DRC11: variants seen among roughly 807,000 people sequenced by gnomAD.
DRC11 encodes the protein dynein regulatory complex subunit 11.
At chr2:236,353,183 T>G in the DRC11 span, among the ~76,000 whole-genome samples, 1 of 152,370 alleles carries the variant, frequency 6.6e-6, no homozygotes, top group South Asian at 2.1e-4. This position sits in a 1 kb window ranked among gnomAD's most constrained non-coding sequence, Gnocchi z 5.0. Context: ...TTACATTAAT[T>G]AATTCGTAAT....
chr2:236,364,048 C>G, the DRC11 span: 1 of 1,387,610 alleles, frequency 7.2e-7, no homozygotes, highest in Non-Finnish European at 1.0e-6. Flanking sequence ...ACTAGGATAA[C>G]TCAAGGTCAA....
chr2:236,457,641 A>C, the DRC11 span, among the ~76,000 whole-genome samples: 4 of 152,350 alleles, frequency 2.6e-5, no homozygotes, highest in African/African-American at 9.6e-5. The surrounding 1 kb of genome is among the most constrained non-coding windows in gnomAD (Gnocchi z 4.7). Flanking sequence ...GGATTAGCCA[A>C]GTATGTCCTA....
At chr2:236,370,161 C>T in the DRC11 span, among the ~76,000 whole-genome samples, 4 of 152,148 alleles carry the variant, frequency 2.6e-5, no homozygotes, top group Non-Finnish European at 1.5e-5. This position sits in a 1 kb window ranked among gnomAD's most constrained non-coding sequence, Gnocchi z 5.5. Flanking sequence ...TGCACAGAGG[C>T]AGAACACCAC....
the DRC11 span, among the ~76,000 whole-genome samples, chr2:236,326,196 A>G: frequency 6.6e-6 from 1 of 152,192 alleles, no homozygotes; most frequent in African/African-American, 2.4e-5. Context: ...TTAATAAATT[A>G]TTTTACTTGG....
chr2:236,365,839 C>T, the DRC11 span, among the ~76,000 whole-genome samples: 2 of 152,168 alleles, frequency 1.3e-5, no homozygotes, highest in Admixed American at 6.5e-5. The surrounding 1 kb of genome is among the most constrained non-coding windows in gnomAD (Gnocchi z 7.4). Flanking sequence ...CCAGTGTCCA[C>T]AGCTCTTCCT....
At chr2:236,507,252 C>T in the DRC11 span, 1 of 1,614,008 alleles carries the variant, frequency 6.2e-7, no homozygotes, top group Non-Finnish European at 8.5e-7. Context: ...GAGCCCATCA[C>T]TTACGCGTTC....
the DRC11 span, chr2:236,497,264 C>A: frequency 2.5e-6 from 4 of 1,613,814 alleles, no homozygotes; most frequent in South Asian, 3.3e-5. The surrounding 1 kb of genome is among the most constrained non-coding windows in gnomAD (Gnocchi z 5.1). Flanking sequence ...CGGCCCATCA[C>A]CCCGTCCAGG....
chr2:236,504,764 G>T, the DRC11 span, among the ~76,000 whole-genome samples: 1 of 152,202 alleles, frequency 6.6e-6, no homozygotes, highest in Non-Finnish European at 1.5e-5. The surrounding 1 kb of genome is among the most constrained non-coding windows in gnomAD (Gnocchi z 5.0). Context: ...TCTCATGATA[G>T]TGAGTTCTCA....
At chr2:236,411,423 T>C in the DRC11 span, among the ~76,000 whole-genome samples, 12 of 151,136 alleles carry the variant, frequency 7.9e-5, no homozygotes, top group East Asian at 2.0e-4. Context: ...TGTGGAGAAA[T>C]AGGAACACTT....
chr2:236,444,533 G>T, the DRC11 span, among the ~76,000 whole-genome samples: 3 of 152,258 alleles, frequency 2.0e-5, no homozygotes, highest in Non-Finnish European at 4.4e-5. Flanking sequence ...GGCACCCTGG[G>T]GACCTGGGAC....
At chr2:236,465,994 C>A in the DRC11 span, among the ~76,000 whole-genome samples, 10 of 152,246 alleles carry the variant, frequency 6.6e-5, no homozygotes, top group East Asian at 1.4e-3. The surrounding 1 kb of genome is among the most constrained non-coding windows in gnomAD (Gnocchi z 6.2). Flanking sequence ...ATTAAAAAAA[C>A]TCAATCTGAG....
At chr2:236,492,538 G>A in the DRC11 span, among the ~76,000 whole-genome samples, 3 of 152,232 alleles carry the variant, frequency 2.0e-5, no homozygotes, top group African/African-American at 7.2e-5. Context: ...TTTACCCTGG[G>A]ACCCTGGCCT....
the DRC11 span, chr2:236,399,264 A>T: frequency 1.5e-6 from 1 of 678,758 alleles, no homozygotes; most frequent in Non-Finnish European, 2.6e-6. This position sits in a 1 kb window ranked among gnomAD's most constrained non-coding sequence, Gnocchi z 7.0. Flanking sequence ...TGCTGGGATT[A>T]CAGGCGCAAG....
chr2:236,459,664 C>T, the DRC11 span, among the ~76,000 whole-genome samples: 57 of 139,754 alleles, frequency 4.1e-4, no homozygotes, highest in Non-Finnish European at 6.9e-4. Flanking sequence ...TATATACATA[C>T]GTATATACGT....
the DRC11 span, among the ~76,000 whole-genome samples, chr2:236,365,666 C>T: frequency 1.4e-3 from 208 of 152,162 alleles, 1 homozygote; most frequent in African/African-American, 4.8e-3. This position sits in a 1 kb window ranked among gnomAD's most constrained non-coding sequence, Gnocchi z 7.4. Flanking sequence ...GAGTGTGTGG[C>T]AGTGACACAG....
At chr2:236,356,923 CATATATATTT>C in the DRC11 span, among the ~76,000 whole-genome samples, 4 of 140,186 alleles carry the variant, frequency 2.9e-5, no homozygotes, top group African/African-American at 1.1e-4. Context: ...TATATATATT[CATATATATTT>C]ATATATTATA....
chr2:236,495,165 A>G, the DRC11 span, among the ~76,000 whole-genome samples: 1 of 152,124 alleles, frequency 6.6e-6, no homozygotes, highest in Non-Finnish European at 1.5e-5. This position sits in a 1 kb window ranked among gnomAD's most constrained non-coding sequence, Gnocchi z 5.6. Flanking sequence ...CAACATGGTG[A>G]AACCCCATCT....
At chr2:236,346,532 T>G in the DRC11 span, among the ~76,000 whole-genome samples, 1 of 152,182 alleles carries the variant, frequency 6.6e-6, no homozygotes, top group Non-Finnish European at 1.5e-5. Context: ...CTATGCGGGT[T>G]CCCTCATCTA....
the DRC11 span, among the ~76,000 whole-genome samples, chr2:236,461,972 G>A: frequency 6.6e-6 from 1 of 152,088 alleles, no homozygotes; most frequent in Admixed American, 6.6e-5. This position sits in a 1 kb window ranked among gnomAD's most constrained non-coding sequence, Gnocchi z 4.0. Context: ...GGGGCAGCAC[G>A]GTGAGGGAAG....
Sources: gnomAD v4.1 joint callset for allele counts (sites outside exome capture counted in the v4.1 genomes callset) on GRCh38, gnomAD v4.1.1 for gene constraint, Gnocchi (gnomAD v3.1) non-coding constraint, MANE v1.5 for transcripts, NCBI Gene and HGNC (gene_info 2026-07-23, HGNC 2026-07-21) for gene names.